TTN: variants seen among roughly 807,000 people sequenced by gnomAD.
TTN encodes the protein connectin.
TTN carries 1,525 observed loss-of-function variants against 3,223.0 expected under a neutral mutation model. The ratio of observed to expected loss-of-function variants is 0.47; its 90% CI spans 0.45 to 0.49. The LOEUF (loss-of-function observed/expected upper bound fraction) is 0.49. Among genes scored for constraint, TTN ranks in the 20% least tolerant of loss-of-function variants. The pLI, the probability that TTN is intolerant of heterozygous loss-of-function variation, is 0.00. For synonymous variants in TTN, 14,094 were observed against 15,161.0 expected (o/e 0.93, Z 5.17); for missense variants, 40,786 against 43,424.0 (o/e 0.94, Z 5.40).
rs794729488 is a variant in TTN, at chr2:178,575,168, A to G, written c.70964T>C (p.Ile23655Thr). The change falls in exon 326 of 363, where the codon ATT (isoleucine) becomes ACT (threonine). Residue 23655 changes from isoleucine (I) to threonine (T), a missense_variant. By Grantham distance (89) the Ile-to-Thr change is moderately conservative. Transcript: ENST00000589042. The surrounding 1 kb of genome is among the most constrained non-coding windows in gnomAD (Gnocchi z 4.0). ...GGGCTTCGGTCGACCGAGCACTGGA[A>G]TTTCAACTTTGATGTTGTCACCAGC... Reference protein sequence around the residue: ...AKAGDNIKVEIPVLGRPKPTV... With the variant: ...AKAGDNIKVETPVLGRPKPTV... 1.3e-5 allele frequency: 21 copies of G among 1,612,648 alleles called. No homozygotes were observed. Among genetic ancestry groups the G allele is most frequent in the Non-Finnish European group, 1.8e-5 (21 of 1,179,354 alleles).
rs2082306156 is a variant in TTN at position 178,740,518 on chromosome 2, T to C, written c.12715A>G (p.Lys4239Glu). The stretch of plus-strand genomic sequence containing the variant: ...TCTCTGTTGGTGTCAGATACTGTCT[T>C]TTCTTTTGGTGAAAGTACTTCCTCA... ...VAEEVLSPKE[K>E]TVSDTNREQR... Residue 4239 changes from lysine (K) to glutamate (E), a missense_variant, in exon 48 of 363, where the codon AAG becomes GAG. Lys to Glu is a moderately conservative substitution (Grantham distance 56, BLOSUM62 1). Transcript: ENST00000589042. 6.2e-7 allele frequency: 1 copy of C among 1,613,692 alleles called. No individual in the cohort carries two copies. Among genetic ancestry groups the C allele is most frequent in the Non-Finnish European group, 8.5e-7 (1 of 1,179,834 alleles).
intron 47 of TTN, chr2:178,750,613 TCTC>T: frequency 6.2e-7 from 1 of 1,612,730 alleles, no homozygotes. Context: ...TTTCAAAAAA[TCTC>T]ATGTTTTCTT....
intron 121 of TTN, among the ~76,000 whole-genome samples, chr2:178,690,896 G>A (rs2072238991): frequency 6.6e-6 from 1 of 151,938 alleles, no homozygotes; most frequent in South Asian, 2.1e-4. Flanking sequence ...TGCTGAAAAC[G>A]AATTAGTGAT....
chr2:178,750,705 T>G (rs1466059333), intron 47 of TTN: 6 of 1,612,654 alleles, frequency 3.7e-6, no homozygotes, highest in Non-Finnish European at 5.1e-6. Flanking sequence ...TTTTTTATTC[T>G]TTCACTAGCT....
intron 359 of TTN, chr2:178,529,428 T>G (rs1333667017): frequency 9.8e-6 from 4 of 409,400 alleles, no homozygotes; most frequent in African/African-American, 2.1e-5. Context: ...TAAACTAAAC[T>G]GAGCCAAAGA....
intron 47 of TTN, chr2:178,747,371 G>A (rs761930581): frequency 8.1e-6 from 13 of 1,613,292 alleles, no homozygotes; most frequent in Non-Finnish European, 1.0e-5. Context: ...AGTTATATCT[G>A]AAGGATTAAA....
chr2:178,572,707 G>A lies in TTN; in HGVS notation c.73425C>T (p.Ile24475=), dbSNP rs1446211845. The change falls in exon 326 of 363, where the codon ATC becomes ATT. Residue 24475 remains isoleucine (I), a synonymous_variant. Transcript: ENST00000589042. ...DHGESLDKAS[I]ESTSSYTLLI... is the part of the protein sequence containing the mutation. ...GCAGGGTGTAAGAGCTTGTGGATTCGATGCTAGCTTTATCTAAAGATTCTC... is the reference window on the plus strand; with the variant it reads ...GCAGGGTGTAAGAGCTTGTGGATTCAATGCTAGCTTTATCTAAAGATTCTC... 5.0e-6 allele frequency: 8 copies of A among 1,613,270 alleles called. No individual in the cohort carries two copies. The highest frequency in any genetic ancestry group is 2.2e-5 in the East Asian group (1 of 44,814).
At chr2:178,757,254 T>C (rs890877244) in intron 45 of TTN, among the ~76,000 whole-genome samples, 5 of 4,732 alleles carry the variant, frequency 1.1e-3, no homozygotes, top group Non-Finnish European at 2.0e-3. Context: ...CATTTAATGA[T>C]GCAATGATAC....
At position 178,567,166 on chromosome 2, in the gene TTN, A is replaced by G; in HGVS notation, c.78966T>C (p.Tyr26322=). 1.2e-6 allele frequency: 2 copies of G among 1,613,446 alleles called. No individual in the cohort carries two copies. The highest frequency in any genetic ancestry group is 1.7e-6 in the Non-Finnish European group (2 of 1,179,522). ...GACTGGTTTCTCGCTTTTCAACAACATAGTGAGAAATGTCACTGCCACCAT... is the reference window on the plus strand; with the variant it reads ...GACTGGTTTCTCGCTTTTCAACAACGTAGTGAGAAATGTCACTGCCACCAT... The part of the protein sequence containing the change: ...LQDGGSDISH[Y]VVEKRETSRL... The change falls in exon 326 of 363, where the codon TAT becomes TAC. Residue 26322 remains tyrosine (Y), a synonymous_variant. Transcript: ENST00000589042.
At chr2:178,783,855 T>C in intron 16 of TTN, 70 bp from the exon 17 acceptor site, 1 of 1,230,846 alleles carries the variant, frequency 8.1e-7, no homozygotes, top group Non-Finnish European at 1.2e-6. Context: ...TCTTAGCTCA[T>C]GCAACATTAT....
At chr2:178,790,893 G>A (rs1290632775) in intron 10 of TTN, 48 bp from the exon 11 acceptor site, 3 of 1,606,934 alleles carry the variant, frequency 1.9e-6, no homozygotes, top group Non-Finnish European at 2.6e-6. Context: ...AGATACAAAA[G>A]CAATGGGAAG....
In TTN at chr2:178,615,378, T is replaced by G. The variant is rs769138207; in HGVS notation, c.48567A>C (p.Gly16189=). The change falls in exon 259 of 363, where the codon GGA becomes GGC. Residue 16189 remains glycine, a synonymous_variant. Transcript: ENST00000589042. ...CACGTGGACATCTTTCAACTATATA[T>G]CCTTTGATGCGTGAACCACCATCAT... The part of the protein sequence containing the change: ...PKNDGGSRIK[G]YIVERCPRGS... 1 of 1,612,536 alleles carries G rather than the reference T, an allele frequency of 6.2e-7. No homozygotes were observed. Among genetic ancestry groups the G allele is most frequent in the Admixed American group, 1.7e-5 (1 of 59,920 alleles).
intron 223 of TTN, among the ~76,000 whole-genome samples, chr2:178,639,028 T>C (rs1295653253): frequency 1.3e-5 from 2 of 152,100 alleles, no homozygotes; most frequent in African/African-American, 4.8e-5. Flanking sequence ...ATACAATTAA[T>C]AGGTGCTTTA....
In TTN at chr2:178,800,550, T is replaced by A; in HGVS notation, c.428A>T (p.Glu143Val). 1 of 1,614,134 alleles carries A rather than the reference T, an allele frequency of 6.2e-7. No homozygotes were observed. Residue 143 changes from glutamate to valine, a missense_variant, in exon 4 of 363, where the codon GAA becomes GTA. Physicochemically the swap from Glu to Val is moderately radical, Grantham distance 121. Transcript: ENST00000589042. ...PVVKFYRDGA[E>V]IQSSLDFQIS... is the part of the protein sequence containing the mutation. ...TTGGAAATCAAGGGAGCTCTGGATT[T>A]CGGCTCCATCCCGGTAGAACTTCAC... is the stretch of plus-strand genomic sequence containing the variant.
At chr2:178,689,218 G>A in intron 124 of TTN, 72 bp downstream of exon 124, 1 of 1,590,072 alleles carries the variant, frequency 6.3e-7, no homozygotes, top group East Asian at 2.2e-5. Context: ...CACCCACAGT[G>A]CACTCATATC....
intron 62 of TTN, 73 bp downstream of exon 62, chr2:178,730,020 G>A (rs1027694750): frequency 3.8e-5 from 60 of 1,595,610 alleles, no homozygotes; most frequent in African/African-American, 8.1e-5. Context: ...TGTCTTAAGC[G>A]TCCCCCGCCC....
At chr2:178,786,716 G>A (rs1334971885) in intron 13 of TTN, among the ~76,000 whole-genome samples, 1 of 152,162 alleles carries the variant, frequency 6.6e-6, no homozygotes, top group African/African-American at 2.4e-5. Flanking sequence ...GGGTAAGATT[G>A]TTTAATCTAT....
chr2:178,536,040 T>G lies in TTN; in HGVS notation c.100707A>C (p.Gln33569His), dbSNP rs1289268364. 2 of 1,588,030 alleles carry G rather than the reference T, an allele frequency of 1.3e-6. No individual in the cohort carries two copies. Among genetic ancestry groups the G allele is most frequent in the South Asian group, 2.3e-5 (2 of 86,680 alleles). ...ATCCCCCTTGGTTGGTAGCTCTGAC[T>G]TGGTAAACTGTGGCATCATCATCTG... ...SVTDDDATVY[Q>H]VRATNQGGSV... The change falls in exon 357 of 363, where the codon CAA (glutamine) becomes CAC (histidine). Residue 33569 changes from glutamine to histidine, a missense_variant. Physicochemically the swap from Gln to His is conservative, Grantham distance 24 (BLOSUM62 0). Coordinates refer to ENST00000589042, the MANE Select transcript of TTN (RefSeq NM_001267550.2).
At position 178,546,444 on chromosome 2, in the gene TTN, T is replaced by G; in HGVS notation, c.94887A>C (p.Ala31629=). The change falls in exon 342 of 363, where the codon GCA becomes GCC. Residue 31629 remains alanine, a synonymous_variant. Coordinates refer to ENST00000589042, the MANE Select transcript of TTN (RefSeq NM_001267550.2). ...RLHGDLVTIR[A]GSDLVLDAAV... ...CAGCATCCAGAACAAGATCAGAACC[T>G]GCTCTGATGGTAACCAGATCACCGT... 1 of 1,613,732 alleles carries G rather than the reference T, an allele frequency of 6.2e-7. No homozygotes were observed. Among genetic ancestry groups the G allele is most frequent in the Non-Finnish European group, 8.5e-7 (1 of 1,179,742 alleles).
Sources: gnomAD v4.1 joint callset for allele counts (sites outside exome capture counted in the v4.1 genomes callset) on GRCh38, gnomAD v4.1.1 for gene constraint, Gnocchi (gnomAD v3.1) non-coding constraint, MANE v1.5 for transcripts, NCBI Gene and HGNC (gene_info 2026-07-23, HGNC 2026-07-21) for gene names.